ECT2L: variants seen among roughly 807,000 people sequenced by gnomAD.
ECT2L encodes epithelial cell transforming 2 like, also known as epithelial cell-transforming sequence 2 oncogene-like.
Under a neutral mutation model 122.8 loss-of-function variants are expected in ECT2L, and 126 were observed. The ratio of observed to expected loss-of-function variants is 1.03; its 90% CI spans 0.89 to 1.19. ECT2L has a LOEUF of 1.19. ECT2L is among the 50% of genes most tolerant of loss of function. ECT2L has a pLI of 0.00. For missense variants in ECT2L, 1,012 were observed against 1,064.1 expected, an observed-to-expected ratio of 0.95 and a Z score of 0.68; for synonymous variants, 385 against 381.8, an observed-to-expected ratio of 1.01 and a Z score of -0.10.
chr6:138,897,179 T>C (rs1400476123), intron 20 of ECT2L, among the ~76,000 whole-genome samples: 3 of 151,922 alleles, frequency 2.0e-5, no homozygotes, highest in African/African-American at 7.3e-5. Flanking sequence ...ACCATTGGAG[T>C]TGGTTCTGAG....
intron 4 of ECT2L, among the ~76,000 whole-genome samples, chr6:138,827,208 T>G (rs1233670379): frequency 6.6e-6 from 1 of 151,878 alleles, no homozygotes; most frequent in African/African-American, 2.4e-5. Flanking sequence ...ATTAGCCAGG[T>G]GTGGTGGCGC....
intron 4 of ECT2L, among the ~76,000 whole-genome samples, chr6:138,827,018 A>G (rs1384292648): frequency 2.0e-5 from 3 of 152,200 alleles, no homozygotes; most frequent in Non-Finnish European, 4.4e-5. Flanking sequence ...TAAAGCCTGC[A>G]GAACCATAAG....
At chr6:138,816,395 T>C (rs1270587248) in intron 4 of ECT2L, among the ~76,000 whole-genome samples, 4 of 151,412 alleles carry the variant, frequency 2.6e-5, no homozygotes, top group Non-Finnish European at 4.4e-5. Context: ...CTTTTTTTTT[T>C]TGTTTGTTTG....
chr6:138,898,280 T>A (rs1350680884), intron 20 of ECT2L, among the ~76,000 whole-genome samples: 2 of 152,156 alleles, frequency 1.3e-5, no homozygotes, highest in Admixed American at 6.6e-5. Flanking sequence ...TTGCAAGGTA[T>A]CAGTAAATGT....
intron 20 of ECT2L, 66 bp downstream of exon 20, chr6:138,889,097 C>T: frequency 1.3e-6 from 1 of 796,390 alleles, no homozygotes; most frequent in Non-Finnish European, 1.9e-6. Flanking sequence ...CTTACTCATC[C>T]TGTAGCTCCA....
In ECT2L at chr6:138,846,580, A is replaced by T; in HGVS notation, c.806A>T (p.Lys269Met). The change falls in exon 8 of 22, where the codon AAG (lysine) becomes ATG (methionine). Residue 269 changes from lysine (K) to methionine (M), a missense_variant. Physicochemically the swap from Lys to Met is moderately conservative, Grantham distance 95 (BLOSUM62 -1). Transcript: ENST00000541398. ...SGSHSYPLLS[K>M]KNWHGVHKND... ...AGCCATTCCTACCCTTTATTATCAA[A>T]GAAAAATTGGCATGGAGTTCATAAA... 6.2e-7 allele frequency: 1 copy of T among 1,609,292 alleles called. No individual in the cohort carries two copies. Among genetic ancestry groups the T allele is most frequent in the Non-Finnish European group, 8.5e-7 (1 of 1,178,688 alleles).
chr6:138,818,201 ATGTGCG>A (rs371272928), intron 4 of ECT2L, among the ~76,000 whole-genome samples: 4 of 152,116 alleles, frequency 2.6e-5, no homozygotes, highest in African/African-American at 9.7e-5. Context: ...CCAGGTGTGT[ATGTGCG>A]TGTGCGTGTG....
At chr6:138,848,679 A>G (rs971896172) in intron 8 of ECT2L, among the ~76,000 whole-genome samples, 1 of 152,162 alleles carries the variant, frequency 6.6e-6, no homozygotes, top group Non-Finnish European at 1.5e-5. Context: ...CTTGATCTCC[A>G]TGTGGGCCAT....
intron 1 of ECT2L, among the ~76,000 whole-genome samples, chr6:138,800,342 T>A (rs1775499392): frequency 6.6e-6 from 1 of 152,208 alleles, no homozygotes; most frequent in South Asian, 2.1e-4. Context: ...TTAGCTTCTG[T>A]AGAAAAGACA....
At chr6:138,875,196 T>C (rs1365378607) in intron 13 of ECT2L, among the ~76,000 whole-genome samples, 1 of 152,192 alleles carries the variant, frequency 6.6e-6, no homozygotes. Context: ...AAGAAATCAT[T>C]AGAAGACTCC....
chr6:138,887,412 G>C (rs906710174), intron 19 of ECT2L, among the ~76,000 whole-genome samples: 6 of 151,904 alleles, frequency 3.9e-5, no homozygotes, highest in Admixed American at 1.3e-4. Context: ...ATTTTTAGTA[G>C]AGATGGGGTT....
At chr6:138,797,426 G>A (rs1331353587) in intron 1 of ECT2L, among the ~76,000 whole-genome samples, 1 of 152,124 alleles carries the variant, frequency 6.6e-6, no homozygotes, top group African/African-American at 2.4e-5. Context: ...CCTCTGCCGA[G>A]GAGCAGTGTT....
At chr6:138,822,554 C>CATAAATAA (rs200704042) in intron 4 of ECT2L, among the ~76,000 whole-genome samples, 19,670 of 151,590 alleles carry the variant, frequency 0.13, 1,554 homozygotes, top group East Asian at 0.27. Flanking sequence ...GAGACCCTGT[C>CATAAATAA]ATAAATAAAT....
chr6:138,897,906 A>G (rs981664053), intron 20 of ECT2L, among the ~76,000 whole-genome samples: 2 of 152,180 alleles, frequency 1.3e-5, no homozygotes, highest in African/African-American at 4.8e-5. Flanking sequence ...CTGAACATCA[A>G]TTTACCAAAG....
At chr6:138,857,660 CCT>C (rs1450654057) in intron 10 of ECT2L, among the ~76,000 whole-genome samples, 1 of 151,984 alleles carries the variant, frequency 6.6e-6, no homozygotes, top group Non-Finnish European at 1.5e-5. Flanking sequence ...CCACACTCTC[CCT>C]GTTTCCTCCC....
intron 6 of ECT2L, 110 bp from the exon 7 acceptor site, chr6:138,844,302 A>G: frequency 7.7e-7 from 1 of 1,300,610 alleles, no homozygotes; most frequent in Non-Finnish European, 1.1e-6. Context: ...AATTATTGTC[A>G]TTTGGAACCT....
At chr6:138,836,449 C>T (rs981874268) in intron 4 of ECT2L, among the ~76,000 whole-genome samples, 4 of 151,848 alleles carry the variant, frequency 2.6e-5, no homozygotes, top group African/African-American at 4.8e-5. Context: ...CCACCATGCC[C>T]GGCTAACTTT....
At position 138,819,743 on chromosome 6, in the gene ECT2L, C is replaced by T. The variant is rs780055956; in HGVS notation, c.179+5140C>T. ...AAGTTTTAATTAAAAAAAAATTAGC[C>T]GGGCGTGGTGGCGGGCACCTCTAAT... On this transcript the variant is annotated intron_variant, in intron 4 of 21. Transcript: ENST00000541398. Among the ~76,000 whole-genome samples, 10 of 151,882 alleles carry T rather than the reference C, an allele frequency of 6.6e-5. 1 individual carries two copies. The highest frequency in any genetic ancestry group is 2.6e-4 in the Admixed American group (4 of 15,234).
At position 138,843,208 on chromosome 6, in the gene ECT2L, G is replaced by C; in HGVS notation, c.572G>C (p.Trp191Ser). 1 of 1,608,162 alleles carries C rather than the reference G, an allele frequency of 6.2e-7. No homozygotes were observed. The highest frequency in any genetic ancestry group is 1.1e-5 in the South Asian group (1 of 90,328). Residue 191 changes from tryptophan to serine, a missense_variant, in exon 6 of 22, where the codon TGG (tryptophan) becomes TCG (serine). Transcript: ENST00000541398. ...GAAAAGTGCCTGAGGAAAAGAATTT[G>C]GGAGAAAATTGCACTACGTAAGAGT... is the stretch of plus-strand genomic sequence containing the variant. Reference protein sequence around the residue: ...QREKCLRKRIWEKIALRKKEL... With the variant: ...QREKCLRKRISEKIALRKKEL...
Sources: gnomAD v4.1 joint callset for allele counts (sites outside exome capture counted in the v4.1 genomes callset) on GRCh38, gnomAD v4.1.1 for gene constraint, MANE v1.5 for transcripts, NCBI Gene and HGNC (gene_info 2026-07-23, HGNC 2026-07-21) for gene names.